The following SUGCT variants were observed in gnomAD, a reference collection of about 807,000 sequenced individuals.
SUGCT encodes succinyl-CoA:glutarate CoA-transferase.
A neutral mutation model predicts 55.0 loss-of-function variants in SUGCT; 41 were observed. The observed-to-expected ratio is 0.74, with a 90% CI of 0.58 to 0.97. The LOEUF is 0.97. Ranked by LOEUF, SUGCT falls within the 50% of genes least tolerant of loss-of-function variation. SUGCT has a pLI of 0.00. For missense variants in SUGCT, 568 were observed against 547.8 expected, an observed-to-expected ratio of 1.04 and a Z score of -0.37; for synonymous variants, 187 against 200.4, an observed-to-expected ratio of 0.93 and a Z score of 0.56.
chr7:41,016,110 T>C, the SUGCT span, among the ~76,000 whole-genome samples: 1 of 152,216 alleles, frequency 6.6e-6, no homozygotes, highest in Non-Finnish European at 1.5e-5. Context: ...AAGGTGTACC[T>C]TGGGAAAGGT....
At chr7:40,398,617 GTA>G (rs955707584) in intron 9 of SUGCT, among the ~76,000 whole-genome samples, 8 of 149,694 alleles carry the variant, frequency 5.3e-5, no homozygotes, top group African/African-American at 2.0e-4. Flanking sequence ...TCTCATCCTA[GTA>G]CATTCTAATC....
At chr7:40,189,977 G>A (rs750816873) in intron 5 of SUGCT, among the ~76,000 whole-genome samples, 2 of 152,162 alleles carry the variant, frequency 1.3e-5, no homozygotes, top group Non-Finnish European at 2.9e-5. Context: ...TCCCTAGCTA[G>A]TATGGGGAAA....
At chr7:40,929,772 G>T in the SUGCT span, among the ~76,000 whole-genome samples, 570 of 152,132 alleles carry the variant, frequency 3.7e-3, 40 homozygotes, top group South Asian at 0.11. Context: ...GAGGTTGTTT[G>T]TTTTTTCTTG....
chr7:40,489,816 A>C (rs1791586595), intron 11 of SUGCT, among the ~76,000 whole-genome samples: 1 of 152,094 alleles, frequency 6.6e-6, no homozygotes, highest in African/African-American at 2.4e-5. Context: ...AGTCCCCAGC[A>C]CCTTATTTTG....
At chr7:40,688,329 A>G (rs1784552033) in intron 12 of SUGCT, among the ~76,000 whole-genome samples, 1 of 152,216 alleles carries the variant, frequency 6.6e-6, no homozygotes, top group Non-Finnish European at 1.5e-5. Flanking sequence ...GAGATGTTTC[A>G]TGATAGGAAT....
chr7:40,338,778 C>G (rs1562694634), intron 9 of SUGCT, among the ~76,000 whole-genome samples: 1 of 152,210 alleles, frequency 6.6e-6, no homozygotes, highest in Non-Finnish European at 1.5e-5. Context: ...CAGCTTTGTT[C>G]CATTGCTGGC....
chr7:40,836,558 T>A (rs1792987572), intron 13 of SUGCT, among the ~76,000 whole-genome samples: 6 of 152,190 alleles, frequency 3.9e-5, no homozygotes, highest in Admixed American at 3.9e-4. Flanking sequence ...TATAGAACGA[T>A]TCCATCACAA....
intron 12 of SUGCT, among the ~76,000 whole-genome samples, chr7:40,497,808 T>C (rs547197629): frequency 8.5e-5 from 13 of 152,210 alleles, no homozygotes; most frequent in African/African-American, 3.1e-4. Context: ...GCTCCATCTG[T>C]GTTTTATTAG....
At chr7:40,815,764 C>T (rs561239610) in intron 13 of SUGCT, among the ~76,000 whole-genome samples, 1 of 152,270 alleles carries the variant, frequency 6.6e-6, no homozygotes, top group African/African-American at 2.4e-5. Context: ...ACCAGGATCT[C>T]TGCACAGGAA....
rs117584982 is a variant in SUGCT, at chr7:40,324,261, A to T, written c.816+7406A>T. On this transcript the variant is annotated intron_variant, in intron 9 of 13. Transcript: ENST00000335693. ...AATAAATAAATAAATAAATATATAT[A>T]TATTTATTTTTTGAGACAGAGTCTT... Among the ~76,000 whole-genome samples, 573 of 99,846 alleles carry T rather than the reference A, an allele frequency of 5.7e-3. 20 individuals are homozygous for T. The highest frequency in any genetic ancestry group is 7.3e-3 in the East Asian group (22 of 2,994). 65.5% of individuals were successfully genotyped at this position (99,846 alleles called of 152,430 possible).
At chr7:40,195,589 T>C (rs1319896905) in intron 6 of SUGCT, among the ~76,000 whole-genome samples, 1 of 152,158 alleles carries the variant, frequency 6.6e-6, no homozygotes, top group Non-Finnish European at 1.5e-5. Context: ...TGGCTATTTG[T>C]ATTTCTTCTT....
intron 9 of SUGCT, among the ~76,000 whole-genome samples, chr7:40,423,175 A>G (rs1410205224): frequency 6.6e-6 from 1 of 152,124 alleles, no homozygotes; most frequent in African/African-American, 2.4e-5. Context: ...CTCTGCTAAC[A>G]GTTATCAGAG....
the SUGCT span, among the ~76,000 whole-genome samples, chr7:40,998,919 G>T: frequency 1.3e-5 from 2 of 152,172 alleles, no homozygotes; most frequent in Admixed American, 6.5e-5. Flanking sequence ...GTTGAAAAGA[G>T]AAAAAGAAAA....
the SUGCT span, among the ~76,000 whole-genome samples, chr7:40,875,884 T>C: frequency 6.6e-6 from 1 of 152,196 alleles, no homozygotes; most frequent in East Asian, 1.9e-4. Context: ...TTGCCTCACC[T>C]TTTCTTACTG....
chr7:40,145,265 T>C (rs1788184711), intron 1 of SUGCT, among the ~76,000 whole-genome samples: 1 of 152,202 alleles, frequency 6.6e-6, no homozygotes, highest in Non-Finnish European at 1.5e-5. Context: ...TTACACACCT[T>C]GCACATAAAC....
chr7:40,805,784 G>C (rs1176678413), intron 13 of SUGCT, among the ~76,000 whole-genome samples: 1 of 152,154 alleles, frequency 6.6e-6, no homozygotes, highest in Non-Finnish European at 1.5e-5. Context: ...CTCCCTCAAG[G>C]TTTCCTACAA....
At chr7:40,495,336 C>T (rs1318987270) in intron 11 of SUGCT, among the ~76,000 whole-genome samples, 1 of 151,638 alleles carries the variant, frequency 6.6e-6, no homozygotes, top group Non-Finnish European at 1.5e-5. Flanking sequence ...AAGGGAAGTC[C>T]ATGAATACTC....
intron 8 of SUGCT, among the ~76,000 whole-genome samples, chr7:40,314,490 A>C (rs955793745): frequency 6.6e-6 from 1 of 152,008 alleles, no homozygotes; most frequent in East Asian, 1.9e-4. Context: ...GAGACCTGAG[A>C]AGTCAGAAAA....
intron 12 of SUGCT, among the ~76,000 whole-genome samples, chr7:40,567,725 C>A (rs945658527): frequency 2.6e-5 from 4 of 152,194 alleles, no homozygotes; most frequent in Non-Finnish European, 1.5e-5. Context: ...TCACAAGTTT[C>A]TTTTCTTACT....
Sources: allele counts gnomAD v4.1 joint callset (sites outside exome capture counted in the v4.1 genomes callset), GRCh38; gene constraint gnomAD v4.1.1; transcripts MANE v1.5; gene names NCBI Gene and HGNC (gene_info 2026-07-23, HGNC 2026-07-21).